Variants in IQCM observed in about 807,000 individuals in gnomAD.
The protein encoded by IQCM is IQ domain-containing protein M.
IQCM carries 45 observed loss-of-function variants against 57.6 expected under a neutral mutation model. That is an observed-to-expected ratio of 0.78 (90% CI 0.62 to 1.00). The LOEUF (loss-of-function observed/expected upper bound fraction) is 1.00. Ranked by LOEUF, IQCM falls within the 50% of genes least tolerant of loss-of-function variation. IQCM has a pLI of 0.00. For missense variants in IQCM, 468 were observed against 511.6 expected, an observed-to-expected ratio of 0.91 and a Z score of 0.82; for synonymous variants, 148 against 158.9, an observed-to-expected ratio of 0.93 and a Z score of 0.51.
At chr4:149,394,358 T>C (rs1476854576) in intron 13 of IQCM, among the ~76,000 whole-genome samples, 1 of 152,046 alleles carries the variant, frequency 6.6e-6, no homozygotes, top group Non-Finnish European at 1.5e-5. Flanking sequence ...AATTTTCTTA[T>C]ATTTTGTTCC....
chr4:149,482,193 T>C (rs917683906), intron 12 of IQCM, among the ~76,000 whole-genome samples: 4 of 152,034 alleles, frequency 2.6e-5, no homozygotes, highest in South Asian at 2.1e-4. Context: ...GTCTGTAGGC[T>C]TTTCCAAATA....
At chr4:149,463,886 C>T (rs752782268) in intron 12 of IQCM, among the ~76,000 whole-genome samples, 1 of 152,128 alleles carries the variant, frequency 6.6e-6, no homozygotes, top group Admixed American at 6.6e-5. Flanking sequence ...TGAGACTTAG[C>T]TTTATAAAAA....
At chr4:149,599,310 C>A (rs1317610661) in intron 8 of IQCM, among the ~76,000 whole-genome samples, 1 of 151,184 alleles carries the variant, frequency 6.6e-6, no homozygotes, top group Non-Finnish European at 1.5e-5. Context: ...CATTGTTGAG[C>A]AAAAAAGAGA....
intron 12 of IQCM, among the ~76,000 whole-genome samples, chr4:149,465,901 T>A (rs114441844): frequency 0.037 from 5,663 of 152,138 alleles, 132 homozygotes; most frequent in Non-Finnish European, 0.059. Flanking sequence ...ATGTCACCAG[T>A]TTCCATGAAA....
intron 13 of IQCM, among the ~76,000 whole-genome samples, chr4:149,400,203 GT>G (rs34266425): frequency 7.8e-4 from 111 of 142,796 alleles, no homozygotes; most frequent in Middle Eastern, 3.6e-3. Flanking sequence ...TCAGGAATAG[GT>G]TTTTTTTTTT....
At chr4:149,728,429 T>A (rs1173892267) in intron 5 of IQCM, among the ~76,000 whole-genome samples, 1 of 152,230 alleles carries the variant, frequency 6.6e-6, no homozygotes, top group Non-Finnish European at 1.5e-5. Context: ...TTATGTCCAT[T>A]TTTTCTCCTT....
At chr4:149,394,426 CA>C (rs1417279440) in intron 13 of IQCM, among the ~76,000 whole-genome samples, 1 of 151,896 alleles carries the variant, frequency 6.6e-6, no homozygotes, top group Non-Finnish European at 1.5e-5. Context: ...ATTTATCTTG[CA>C]AAAGTATTAT....
At chr4:149,789,052 C>CTTTTTTATA (rs1388687222) in intron 2 of IQCM, among the ~76,000 whole-genome samples, 4 of 152,110 alleles carry the variant, frequency 2.6e-5, no homozygotes, top group African/African-American at 9.6e-5. Flanking sequence ...AAACATGCAG[C>CTTTTTTATA]TAGATAGAAA....
At chr4:149,394,166 C>T (rs1732058429) in intron 13 of IQCM, among the ~76,000 whole-genome samples, 1 of 151,896 alleles carries the variant, frequency 6.6e-6, no homozygotes, top group Non-Finnish European at 1.5e-5. Context: ...GATAATTTAA[C>T]ATATCTTGGT....
intron 13 of IQCM, among the ~76,000 whole-genome samples, chr4:149,410,149 C>G (rs1733272729): frequency 6.6e-6 from 1 of 152,176 alleles, no homozygotes; most frequent in Non-Finnish European, 1.5e-5. Context: ...CGCCACTCCA[C>G]TCCAGCCTGG....
intron 13 of IQCM, among the ~76,000 whole-genome samples, chr4:149,424,707 T>G (rs1452089560): frequency 6.6e-6 from 1 of 151,928 alleles, no homozygotes; most frequent in Non-Finnish European, 1.5e-5. Flanking sequence ...ATAACTGTAA[T>G]GGTCACATGG....
chr4:149,672,062 G>T (rs1761338598), intron 7 of IQCM, among the ~76,000 whole-genome samples: 1 of 152,118 alleles, frequency 6.6e-6, no homozygotes, highest in Non-Finnish European at 1.5e-5. Context: ...TGAGGGTCCT[G>T]ACTTAGAAGG....
chr4:149,452,688 A>C (rs552662913), intron 12 of IQCM, among the ~76,000 whole-genome samples: 2 of 151,780 alleles, frequency 1.3e-5, no homozygotes, highest in Admixed American at 1.3e-4. Context: ...CATCAAGGCC[A>C]TAAACATATC....
intron 9 of IQCM, among the ~76,000 whole-genome samples, chr4:149,575,108 T>C (rs1394690231): frequency 1.3e-5 from 2 of 151,960 alleles, no homozygotes; most frequent in African/African-American, 4.8e-5. Context: ...CCAAGCTGTG[T>C]CGAGGGCTTT....
At chr4:149,634,835 A>ATT (rs1757590808) in intron 7 of IQCM, among the ~76,000 whole-genome samples, 1 of 152,222 alleles carries the variant, frequency 6.6e-6, no homozygotes, top group African/African-American at 2.4e-5. Context: ...CATCTTTTAT[A>ATT]ATACAAGCTG....
chr4:149,403,671 GCAT>G (rs1405156563), intron 13 of IQCM, among the ~76,000 whole-genome samples: 1 of 151,788 alleles, frequency 6.6e-6, no homozygotes, highest in African/African-American at 2.4e-5. Context: ...GCTGATAGTA[GCAT>G]CATCATCAAA....
intron 2 of IQCM, among the ~76,000 whole-genome samples, chr4:149,785,414 T>G (rs1176304922): frequency 6.6e-6 from 1 of 152,190 alleles, no homozygotes; most frequent in Non-Finnish European, 1.5e-5. Flanking sequence ...ATGTAATTCA[T>G]GAATAACGGT....
intron 13 of IQCM, among the ~76,000 whole-genome samples, chr4:149,361,249 G>C (rs1729461344): frequency 6.6e-6 from 1 of 152,134 alleles, no homozygotes; most frequent in Non-Finnish European, 1.5e-5. Context: ...TTTTATAAGG[G>C]AAGCAGAGCA....
chr4:149,454,924 A>G (rs1737524453), intron 12 of IQCM, among the ~76,000 whole-genome samples: 1 of 151,954 alleles, frequency 6.6e-6, no homozygotes, highest in African/African-American at 2.4e-5. Flanking sequence ...AATGAAGAAA[A>G]TGTTCTAACA....
Sources: gnomAD v4.1 joint callset for allele counts (sites outside exome capture counted in the v4.1 genomes callset) on GRCh38, gnomAD v4.1.1 for gene constraint, MANE v1.5 for transcripts, NCBI Gene and HGNC (gene_info 2026-07-23, HGNC 2026-07-21) for gene names.